The following PCDHGA1 variants were observed in gnomAD, a reference collection of about 807,000 sequenced individuals.
PCDHGA1 encodes protocadherin gamma subfamily A, 1.
Under a neutral mutation model 58.0 loss-of-function variants are expected in PCDHGA1, and 32 were observed. The observed-to-expected ratio is 0.55, with a 90% CI of 0.42 to 0.74. PCDHGA1 has a LOEUF of 0.74. Among genes scored for constraint, PCDHGA1 ranks in the 30% least tolerant of loss-of-function variants. The pLI is 0.00. For missense variants in PCDHGA1, 1,205 were observed against 1,182.3 expected (o/e 1.02, Z -0.28); for synonymous variants, 498 against 501.1 (o/e 0.99, Z 0.08).
intron 1 of PCDHGA1, among the ~76,000 whole-genome samples, chr5:141,433,805 C>T (rs1325364387): frequency 1.3e-5 from 2 of 150,004 alleles, no homozygotes; most frequent in South Asian, 4.2e-4. Flanking sequence ...CCATTGCACT[C>T]CAGCCTGGGC....
At chr5:141,403,631 C>T (rs751580878) in intron 1 of PCDHGA1, 8 of 1,613,912 alleles carry the variant, frequency 5.0e-6, no homozygotes, top group South Asian at 2.2e-5. Context: ...CAGCACAGTG[C>T]GCATCCATGT....
In PCDHGA1 at chr5:141,331,257, T is replaced by C; in HGVS notation, c.573T>C (p.His191=). The part of the protein sequence containing the change: ...DVQQGADGPQ[H]PEMVLQSPLD... ...AACAGGGAGCCGATGGGCCTCAACA[T>C]CCAGAGATGGTGCTGCAGAGTCCCT... Residue 191 remains histidine, a synonymous_variant, in exon 1 of 4, where the codon CAT becomes CAC. Coordinates refer to ENST00000517417, the MANE Select transcript of PCDHGA1 (RefSeq NM_018912.3). The C allele has an allele frequency of 6.2e-7, 1 of 1,614,062 alleles. No individual in the cohort carries two copies. Among genetic ancestry groups the C allele is most frequent in the Non-Finnish European group, 8.5e-7 (1 of 1,180,016 alleles).
At chr5:141,361,447 G>T (rs942275534) in intron 1 of PCDHGA1, 3 of 1,613,998 alleles carry the variant, frequency 1.9e-6, no homozygotes, top group African/African-American at 2.7e-5. Flanking sequence ...CAGCATAATT[G>T]TCACCCTGCA....
At chr5:141,457,677 T>C (rs1386991642) in intron 1 of PCDHGA1, among the ~76,000 whole-genome samples, 1 of 152,262 alleles carries the variant, frequency 6.6e-6, no homozygotes, top group Non-Finnish European at 1.5e-5. Flanking sequence ...TATTTCTACA[T>C]AGGACTTTTG....
At chr5:141,404,198 T>G in intron 1 of PCDHGA1, 1 of 1,613,554 alleles carries the variant, frequency 6.2e-7, no homozygotes, top group Non-Finnish European at 8.5e-7. Flanking sequence ...AGAAAAAGCC[T>G]CAGAATATAA....
intron 1 of PCDHGA1, chr5:141,399,540 C>T (rs775910113): frequency 9.3e-6 from 15 of 1,614,052 alleles, no homozygotes; most frequent in Non-Finnish European, 1.3e-5. Context: ...CGCAAGTCTG[C>T]GCCTCGGACC....
intron 1 of PCDHGA1, chr5:141,362,322 T>A (rs369360424): frequency 5.1e-5 from 83 of 1,614,066 alleles, no homozygotes; most frequent in Admixed American, 1.3e-4. Context: ...GTTTTCAGCC[T>A]GGTCTCAGCT....
intron 1 of PCDHGA1, chr5:141,370,419 G>C (rs1219315187): frequency 3.8e-6 from 6 of 1,572,938 alleles, no homozygotes; most frequent in African/African-American, 1.4e-5. Context: ...CGGATGGAGG[G>C]GCCCAGCAGG....
chr5:141,419,769 C>T (rs773303779), intron 1 of PCDHGA1: 6 of 1,613,888 alleles, frequency 3.7e-6, no homozygotes, highest in Non-Finnish European at 4.2e-6. Context: ...GACAAGGACT[C>T]GGTCCGCCAG....
chr5:141,350,595 A>G (rs1318034873), intron 1 of PCDHGA1: 2 of 1,614,002 alleles, frequency 1.2e-6, no homozygotes, highest in African/African-American at 1.3e-5. Flanking sequence ...AACCCAATGA[A>G]TGTTTTCCAC....
chr5:141,364,482 A>G, intron 1 of PCDHGA1: 1 of 1,614,024 alleles, frequency 6.2e-7, no homozygotes, highest in South Asian at 1.1e-5. Flanking sequence ...ATAGCCAAGG[A>G]CCTTGGGCTG....
At chr5:141,392,776 C>T in intron 1 of PCDHGA1, 1 of 1,526,772 alleles carries the variant, frequency 6.5e-7, no homozygotes, top group African/African-American at 1.4e-5. Flanking sequence ...CATTTATGCA[C>T]AGTGAAGATT....
At chr5:141,403,770 T>A in intron 1 of PCDHGA1, 1 of 1,613,894 alleles carries the variant, frequency 6.2e-7, no homozygotes, top group Non-Finnish European at 8.5e-7. Flanking sequence ...GATGAGGGAA[T>A]CAACGGAAAA....
At chr5:141,427,774 G>A (rs760144039) in intron 1 of PCDHGA1, 1 of 1,420,908 alleles carries the variant, frequency 7.0e-7, no homozygotes, top group Non-Finnish European at 9.8e-7. Context: ...TTGGAGCTGC[G>A]GGCACTGTCG....
intron 1 of PCDHGA1, chr5:141,362,758 C>A: frequency 1.5e-6 from 1 of 649,730 alleles, no homozygotes. Flanking sequence ...AAACCTTTAT[C>A]ACATGAGATA....
intron 1 of PCDHGA1, chr5:141,389,414 G>A (rs2091750366): frequency 6.2e-7 from 1 of 1,613,464 alleles, no homozygotes; most frequent in Non-Finnish European, 8.5e-7. Context: ...CGGAGAGCGG[G>A]GTGGTGTTCG....
At chr5:141,394,140 G>T (rs2092926485) in intron 1 of PCDHGA1, 1 of 1,613,868 alleles carries the variant, frequency 6.2e-7, no homozygotes, top group Non-Finnish European at 8.5e-7. Flanking sequence ...TCTGCACGTG[G>T]CAGACATTAA....
intron 2 of PCDHGA1, among the ~76,000 whole-genome samples, chr5:141,503,744 A>G (rs1310696654): frequency 2.0e-5 from 3 of 152,112 alleles, no homozygotes; most frequent in African/African-American, 4.8e-5. Context: ...GATGGTATAG[A>G]GGTCACACAT....
intron 1 of PCDHGA1, chr5:141,339,318 T>C: frequency 6.2e-7 from 1 of 1,614,234 alleles, no homozygotes; most frequent in South Asian, 1.1e-5. Flanking sequence ...AAATTGACTA[T>C]TTATTCAGTA....
Sources: gnomAD v4.1 joint callset for allele counts (sites outside exome capture counted in the v4.1 genomes callset) on GRCh38, gnomAD v4.1.1 for gene constraint, MANE v1.5 for transcripts, NCBI Gene and HGNC (gene_info 2026-07-23, HGNC 2026-07-21) for gene names.